TECRL: variants seen among roughly 807,000 people sequenced by gnomAD.
The protein encoded by TECRL is trans-2,3-enoyl-CoA reductase-like.
A neutral mutation model predicts 52.8 loss-of-function variants in TECRL; 63 were observed. The ratio of observed to expected loss-of-function variants is 1.19; its 90% CI spans 0.97 to 1.47. TECRL has a LOEUF of 1.47. Ranked by LOEUF, TECRL falls within the 40% of genes most tolerant of loss-of-function variation. The pLI is 0.00. For missense variants in TECRL, 482 were observed against 429.6 expected, an observed-to-expected ratio of 1.12 and a Z score of -1.08; for synonymous variants, 164 against 141.9, an observed-to-expected ratio of 1.16 and a Z score of -1.10.
At chr4:64,367,367 T>C (rs1407324790) in intron 2 of TECRL, among the ~76,000 whole-genome samples, 1 of 152,110 alleles carries the variant, frequency 6.6e-6, no homozygotes, top group Non-Finnish European at 1.5e-5. Context: ...AACCTGCACA[T>C]GCACCCCCTG....
At chr4:64,353,860 A>T (rs1454980910) in intron 2 of TECRL, among the ~76,000 whole-genome samples, 1 of 152,150 alleles carries the variant, frequency 6.6e-6, no homozygotes, top group Non-Finnish European at 1.5e-5. Context: ...CAATCCCAAC[A>T]TATAAGAGAC....
intron 6 of TECRL, among the ~76,000 whole-genome samples, chr4:64,305,515 C>T (rs770847709): frequency 2.6e-5 from 4 of 152,148 alleles, no homozygotes; most frequent in Non-Finnish European, 5.9e-5. Context: ...ACCTGTGGGA[C>T]TGTGCCTGCA....
chr4:64,298,108 T>G (rs183936562), intron 8 of TECRL, among the ~76,000 whole-genome samples: 6 of 151,332 alleles, frequency 4.0e-5, no homozygotes. Context: ...TTAATTATAT[T>G]ACTTTCAATA....
intron 2 of TECRL, among the ~76,000 whole-genome samples, chr4:64,340,216 G>A (rs1170066862): frequency 6.6e-6 from 1 of 152,160 alleles, no homozygotes; most frequent in Non-Finnish European, 1.5e-5. Context: ...AGGGGCAGGA[G>A]TTCCCTGGGT....
intron 3 of TECRL, among the ~76,000 whole-genome samples, chr4:64,325,063 G>A (rs1353039839): frequency 6.6e-6 from 1 of 152,142 alleles, no homozygotes; most frequent in Non-Finnish European, 1.5e-5. Context: ...CAGAGATCCA[G>A]TGCATTGGGA....
In TECRL at chr4:64,309,797, T is replaced by C. The variant is rs1472083163; in HGVS notation, c.657+29A>G. 2.2e-6 allele frequency: 3 copies of C among 1,370,226 alleles called. No individual in the cohort carries two copies. In the East Asian group the frequency reaches 6.9e-5, roughly 31 times the overall value. The allele number at this position is 1,370,226 out of a possible 1,614,324, so 84.9% of individuals were successfully genotyped here. A position where few individuals can be genotyped will look rare whatever the true frequency, so the allele number is the denominator to read the frequency against. ...GGATCCAACATATAAAATGTCTCAA[T>C]CATTATTAAAAACACAAAGCATCCT... On this transcript the variant is annotated intron_variant, in intron 6 of 11. Coordinates refer to ENST00000381210, the MANE Select transcript of TECRL (RefSeq NM_001010874.5).
At chr4:64,366,954 T>C (rs1721639992) in intron 2 of TECRL, among the ~76,000 whole-genome samples, 1 of 152,076 alleles carries the variant, frequency 6.6e-6, no homozygotes, top group African/African-American at 2.4e-5. Flanking sequence ...TGCAGCACTA[T>C]TCACAATAGC....
chr4:64,388,121 A>G (rs545653420), intron 1 of TECRL, among the ~76,000 whole-genome samples: 5 of 149,698 alleles, frequency 3.3e-5, no homozygotes, highest in African/African-American at 1.2e-4. Flanking sequence ...AGAGTTCTAT[A>G]GTTTTGTTTA....
At chr4:64,400,347 T>C (rs1339834602) in intron 1 of TECRL, among the ~76,000 whole-genome samples, 1 of 152,110 alleles carries the variant, frequency 6.6e-6, no homozygotes, top group East Asian at 1.9e-4. Context: ...TGTTTTTGAT[T>C]TTACAGGCTC....
chr4:64,393,692 A>G (rs1203524875), intron 1 of TECRL, among the ~76,000 whole-genome samples: 1 of 151,726 alleles, frequency 6.6e-6, no homozygotes, highest in Non-Finnish European at 1.5e-5. Context: ...AATATAATGA[A>G]TCTAATATAT....
chr4:64,348,786 T>C (rs1720171327), intron 2 of TECRL, among the ~76,000 whole-genome samples: 1 of 152,180 alleles, frequency 6.6e-6, no homozygotes, highest in Non-Finnish European at 1.5e-5. Flanking sequence ...TCATCCTATA[T>C]ACAATTTTTC....
chr4:64,300,066 T>G (rs1299999922), intron 7 of TECRL, 49 bp from the exon 8 acceptor site: 3 of 1,410,486 alleles, frequency 2.1e-6, no homozygotes, highest in Non-Finnish European at 2.9e-6. Flanking sequence ...TAGTTTGGAT[T>G]GTCAAATATA....
At chr4:64,386,127 T>C (rs1175208789) in intron 1 of TECRL, among the ~76,000 whole-genome samples, 1 of 152,180 alleles carries the variant, frequency 6.6e-6, no homozygotes, top group Admixed American at 6.5e-5. Context: ...AAAGCTTGAT[T>C]ACTAATAGCT....
chr4:64,302,793 C>A (rs1724098231), intron 7 of TECRL, among the ~76,000 whole-genome samples: 1 of 151,300 alleles, frequency 6.6e-6, no homozygotes, highest in South Asian at 2.1e-4. Flanking sequence ...TGAAGTGTTT[C>A]ATTTCATCTT....
intron 2 of TECRL, among the ~76,000 whole-genome samples, chr4:64,356,721 G>A (rs79906825): frequency 8.2e-4 from 2 of 2,434 alleles, no homozygotes; most frequent in Non-Finnish European, 6.1e-3. Flanking sequence ...AGACCAATGC[G>A]TTAGCAGGTC....
At chr4:64,374,693 A>T (rs916137121) in intron 2 of TECRL, among the ~76,000 whole-genome samples, 1 of 151,998 alleles carries the variant, frequency 6.6e-6, no homozygotes, top group Non-Finnish European at 1.5e-5. Flanking sequence ...TAGTTTGCTG[A>T]GAATGATGGT....
intron 1 of TECRL, among the ~76,000 whole-genome samples, chr4:64,388,237 A>G (rs202027972): frequency 1.7e-4 from 3 of 17,912 alleles, no homozygotes; most frequent in Admixed American, 1.3e-3. Flanking sequence ...TTTTTTTTGC[A>G]TGTGGATGTC....
At chr4:64,328,424 T>A in intron 3 of TECRL, 88 bp downstream of exon 3, 1 of 1,128,526 alleles carries the variant, frequency 8.9e-7, no homozygotes, top group Non-Finnish European at 1.3e-6. Context: ...TATTTGTATA[T>A]TTGCAAAGTG....
intron 2 of TECRL, among the ~76,000 whole-genome samples, chr4:64,354,343 C>A (rs1325260191): frequency 6.6e-6 from 1 of 152,064 alleles, no homozygotes; most frequent in East Asian, 1.9e-4. Flanking sequence ...GAATAATTTG[C>A]TTACCCTTTA....
Sources: allele counts gnomAD v4.1 joint callset (sites outside exome capture counted in the v4.1 genomes callset), GRCh38; gene constraint gnomAD v4.1.1; transcripts MANE v1.5; gene names NCBI Gene and HGNC (gene_info 2026-07-23, HGNC 2026-07-21).